The following ATP10A variants were observed in gnomAD, a reference collection of about 807,000 sequenced individuals.
ATP10A encodes phospholipid-transporting ATPase VA.
In ATP10A, 111 loss-of-function variants were observed where a neutral mutation model predicts 147.8. The ratio of observed to expected loss-of-function variants is 0.75; its 90% confidence interval spans 0.64 to 0.88. ATP10A has a LOEUF of 0.88. ATP10A is among the 40% of genes least tolerant of loss of function. The pLI is 0.00. For synonymous variants in ATP10A, 875 were observed against 841.6 expected, an observed-to-expected ratio of 1.04 and a Z score of -0.69; for missense variants, 1,927 against 1,959.0, an observed-to-expected ratio of 0.98 and a Z score of 0.31.
chr15:25,818,229 G>A (rs1215924757), intron 1 of ATP10A, among the ~76,000 whole-genome samples: 2 of 152,050 alleles, frequency 1.3e-5, no homozygotes, highest in Non-Finnish European at 2.9e-5. Context: ...AAGGAAACTT[G>A]AATTTTCAAT....
chr15:25,688,021 C>A, intron 15 of ATP10A, 193 bp from the exon 16 acceptor site: 1 of 682,942 alleles, frequency 1.5e-6, no homozygotes, highest in Non-Finnish European at 2.6e-6. Context: ...GAGGCAATCT[C>A]ACCCAACACG....
chr15:25,794,687 C>A (rs1194005976), intron 1 of ATP10A, among the ~76,000 whole-genome samples: 1 of 152,236 alleles, frequency 6.6e-6, no homozygotes, highest in Non-Finnish European at 1.5e-5. Context: ...CCTCGCGAAA[C>A]TGACTTTACC....
At chr15:25,783,803 T>C (rs960367164) in intron 1 of ATP10A, among the ~76,000 whole-genome samples, 1 of 152,216 alleles carries the variant, frequency 6.6e-6, no homozygotes, top group African/African-American at 2.4e-5. Flanking sequence ...TCCTCAGAGC[T>C]GCTTCTCCTG....
chr15:25,715,658 G>A (rs1311146654), intron 9 of ATP10A, among the ~76,000 whole-genome samples: 2 of 152,240 alleles, frequency 1.3e-5, no homozygotes, highest in East Asian at 1.9e-4. Context: ...CAGGGCTGCC[G>A]GCCTAAGCCT....
chr15:25,700,831 T>C (rs1172099269), intron 13 of ATP10A, among the ~76,000 whole-genome samples: 1 of 152,108 alleles, frequency 6.6e-6, no homozygotes, highest in Non-Finnish European at 1.5e-5. Context: ...CCAATTTTAC[T>C]ATATGCTAAT....
intron 1 of ATP10A, among the ~76,000 whole-genome samples, chr15:25,842,725 C>CT (rs929949102): frequency 9.5e-4 from 139 of 146,900 alleles, no homozygotes; most frequent in East Asian, 2.2e-3. Flanking sequence ...ATCAAGCAGA[C>CT]TTTTTTTTTT....
chr15:25,750,496 A>G (rs1037531613), intron 2 of ATP10A, among the ~76,000 whole-genome samples: 2 of 152,158 alleles, frequency 1.3e-5, no homozygotes, highest in African/African-American at 2.4e-5. Flanking sequence ...GGAAATTTGG[A>G]TCTACACAAA....
intron 2 of ATP10A, among the ~76,000 whole-genome samples, chr15:25,776,393 T>C (rs570924493): frequency 7.0e-4 from 106 of 152,338 alleles, no homozygotes; most frequent in Non-Finnish European, 1.3e-3. Flanking sequence ...TTCTCATCTA[T>C]AAATTGGTGT....
At chr15:25,738,504 T>A (rs1887412331) in intron 2 of ATP10A, 1 of 152,194 alleles carries the variant, frequency 6.6e-6, no homozygotes, top group Non-Finnish European at 1.5e-5. Context: ...TGATAAAAAA[T>A]TTCATTTACT....
intron 2 of ATP10A, among the ~76,000 whole-genome samples, chr15:25,767,076 G>T (rs989356316): frequency 2.0e-5 from 3 of 152,196 alleles, no homozygotes; most frequent in African/African-American, 7.2e-5. Flanking sequence ...TGTGTGGGCA[G>T]CAATCAAATT....
intron 1 of ATP10A, among the ~76,000 whole-genome samples, chr15:25,806,032 A>C (rs1216352754): frequency 6.6e-6 from 1 of 152,232 alleles, no homozygotes; most frequent in Non-Finnish European, 1.5e-5. Flanking sequence ...TTGGTCATGC[A>C]TCAAACAAGT....
chr15:25,720,334 T>C (rs1425770641), intron 7 of ATP10A, among the ~76,000 whole-genome samples: 1 of 152,198 alleles, frequency 6.6e-6, no homozygotes, highest in Non-Finnish European at 1.5e-5. Flanking sequence ...AAATTTACTC[T>C]CTGAGTCGTT....
intron 1 of ATP10A, among the ~76,000 whole-genome samples, chr15:25,854,352 A>G (rs778198588): frequency 1.3e-5 from 2 of 152,234 alleles, no homozygotes; most frequent in Non-Finnish European, 2.9e-5. Flanking sequence ...CTACAATGAC[A>G]TCAGTCATGG....
chr15:25,762,201 T>C (rs970956770), intron 2 of ATP10A, among the ~76,000 whole-genome samples: 1 of 152,196 alleles, frequency 6.6e-6, no homozygotes, highest in African/African-American at 2.4e-5. Context: ...CCTTCAGCCA[T>C]GATTATAAGT....
At chr15:25,761,438 C>G (rs1305234614) in intron 2 of ATP10A, among the ~76,000 whole-genome samples, 1 of 152,244 alleles carries the variant, frequency 6.6e-6, no homozygotes, top group Admixed American at 6.5e-5. Flanking sequence ...GTCCTCCAGA[C>G]CCCAGAATGG....
At chr15:25,801,336 C>G (rs1163607976) in intron 1 of ATP10A, among the ~76,000 whole-genome samples, 1 of 152,196 alleles carries the variant, frequency 6.6e-6, no homozygotes, top group Admixed American at 6.5e-5. Flanking sequence ...AGCCAGACCC[C>G]CAGGGTTACA....
At position 25,737,977 on chromosome 15, in the gene ATP10A, G is replaced by A. The variant is rs141359973; in HGVS notation, c.655-1836C>T. Among the ~76,000 whole-genome samples, 985 of 152,224 alleles carry A rather than the reference G, an allele frequency of 6.5e-3. 4 individuals are homozygous for A. The highest frequency in any genetic ancestry group is 0.01 in the African/African-American group (423 of 41,540). On this transcript the variant is annotated intron_variant, in intron 2 of 20. Coordinates refer to ENST00000555815, the MANE Select transcript of ATP10A (RefSeq NM_024490.4). ...CAGACCTGTGAGAAAATAAACTTCC[G>A]TTGCTTAAGCAGCCCAGTCTGCGGT...
intron 1 of ATP10A, among the ~76,000 whole-genome samples, chr15:25,802,786 G>A (rs1309841317): frequency 6.6e-6 from 1 of 152,144 alleles, no homozygotes; most frequent in Admixed American, 6.5e-5. Flanking sequence ...ATTACACTGG[G>A]CCCACCCAGA....
intron 12 of ATP10A, among the ~76,000 whole-genome samples, chr15:25,702,660 A>G (rs947901914): frequency 6.6e-6 from 1 of 152,194 alleles, no homozygotes; most frequent in African/African-American, 2.4e-5. Context: ...CCACAAACAT[A>G]AAGAAGTTGA....
Sources: gnomAD v4.1 joint callset for allele counts (sites outside exome capture counted in the v4.1 genomes callset) on GRCh38, gnomAD v4.1.1 for gene constraint, MANE v1.5 for transcripts, NCBI Gene and HGNC (gene_info 2026-07-23, HGNC 2026-07-21) for gene names.